AGTPBP1: variants seen among roughly 807,000 people sequenced by gnomAD.
AGTPBP1 encodes cytosolic carboxypeptidase 1.
Under a neutral mutation model 143.9 loss-of-function variants are expected in AGTPBP1, and 70 were observed. The observed-to-expected ratio is 0.49, with a 90% CI of 0.40 to 0.59. The LOEUF (loss-of-function observed/expected upper bound fraction) is 0.59. Ranked by LOEUF, AGTPBP1 falls within the 20% of genes least tolerant of loss-of-function variation. The pLI is 0.00. For synonymous variants in AGTPBP1, 463 were observed against 500.2 expected (o/e 0.93, Z 0.99); for missense variants, 1,229 against 1,464.5 (o/e 0.84, Z 2.62).
intron 8 of AGTPBP1, among the ~76,000 whole-genome samples, chr9:85,662,455 A>G (rs1833903909): frequency 1.3e-5 from 2 of 152,202 alleles, no homozygotes; most frequent in African/African-American, 2.4e-5. Flanking sequence ...CATACTTTTT[A>G]CACTTATGCA....
chr9:85,575,380 A>T lies in AGTPBP1; in HGVS notation c.3438T>A (p.Tyr1146Ter). The change falls in exon 25 of 26, where the codon TAT (tyrosine) becomes TAA (stop). Residue 1146 changes from tyrosine to a stop codon, truncating the protein, a stop_gained. Coordinates refer to ENST00000357081, the MANE Select transcript of AGTPBP1 (RefSeq NM_001330701.2). LOFTEE classifies it high-confidence loss of function. ...RLKRLTSPLE[Y>*]NLPSSLLDFE... ...AGTCAAGCAGGCTGGAAGGCAGATT[A>T]TACTCCAATGGAGAGGTCAGTCTTT... 1 of 1,609,348 alleles carries T rather than the reference A, an allele frequency of 6.2e-7. No homozygotes were observed. Among genetic ancestry groups the T allele is most frequent in the Non-Finnish European group, 8.5e-7 (1 of 1,178,684 alleles).
the AGTPBP1 span, among the ~76,000 whole-genome samples, chr9:85,769,210 T>C: frequency 6.6e-6 from 1 of 152,072 alleles, no homozygotes; most frequent in Non-Finnish European, 1.5e-5. Context: ...AACTATGTGA[T>C]AGGTACTGTG....
chr9:85,603,215 A>G (rs550318983), intron 17 of AGTPBP1, among the ~76,000 whole-genome samples: 247 of 152,244 alleles, frequency 1.6e-3, no homozygotes, highest in African/African-American at 5.4e-3. Flanking sequence ...TCCTCCCCCA[A>G]TCCCAGGAAG....
At position 85,632,952 on chromosome 9, in the gene AGTPBP1, A is replaced by C; in HGVS notation, c.1725T>G (p.Ala575=). ...CCTCAAACAGAACATTTCCACAAGT[A>C]GCCATGTGTGGACATGCTTTAGCAC... is the stretch of plus-strand genomic sequence containing the variant. ...LTCAKACPHM[A]TCGNVLFEGR... The change falls in exon 14 of 26, where the codon GCT becomes GCG. Residue 575 remains alanine (A), a synonymous_variant. Transcript: ENST00000357081. 1.2e-6 allele frequency: 2 copies of C among 1,614,142 alleles called. No individual in the cohort carries two copies. The highest frequency in any genetic ancestry group is 2.2e-5 in the South Asian group (2 of 91,084).
intron 17 of AGTPBP1, among the ~76,000 whole-genome samples, chr9:85,610,189 TGA>T (rs777236269): frequency 1.3e-5 from 2 of 152,070 alleles, no homozygotes; most frequent in Non-Finnish European, 2.9e-5. Context: ...CTCAGAAATC[TGA>T]GAGAAACAAA....
chr9:85,648,454 G>T (rs185664700), intron 11 of AGTPBP1, among the ~76,000 whole-genome samples: 3 of 152,246 alleles, frequency 2.0e-5, no homozygotes, highest in Admixed American at 2.0e-4. Context: ...AGTTGGTCAT[G>T]GATAAACAAG....
chr9:85,658,742 A>G (rs1447592911), intron 9 of AGTPBP1, among the ~76,000 whole-genome samples: 1 of 152,098 alleles, frequency 6.6e-6, no homozygotes, highest in Non-Finnish European at 1.5e-5. Flanking sequence ...AAACTTATTA[A>G]TTCCCTTTCA....
chr9:85,622,976 T>C (rs907770405), intron 14 of AGTPBP1, among the ~76,000 whole-genome samples: 5 of 152,308 alleles, frequency 3.3e-5, no homozygotes, highest in African/African-American at 1.2e-4. Context: ...AAAGGTTTGG[T>C]TTTTGTTTTT....
At chr9:85,689,789 G>A (rs915884729) in intron 3 of AGTPBP1, among the ~76,000 whole-genome samples, 27 of 150,276 alleles carry the variant, frequency 1.8e-4, no homozygotes, top group African/African-American at 5.6e-4. Flanking sequence ...CCAGCTACTC[G>A]GGGGGCTGAG....
At chr9:85,603,249 ACTT>A (rs573331213) in intron 17 of AGTPBP1, among the ~76,000 whole-genome samples, 73 of 152,256 alleles carry the variant, frequency 4.8e-4, no homozygotes, top group African/African-American at 1.6e-3. Flanking sequence ...TCCAGGAGAG[ACTT>A]CTTCTTTCAG....
chr9:85,646,176 C>T (rs1832795380), intron 12 of AGTPBP1, 145 bp downstream of exon 12: 1 of 595,086 alleles, frequency 1.7e-6, no homozygotes, highest in Non-Finnish European at 3.0e-6. Context: ...TATCATCTAC[C>T]CCTTTAATTG....
intron 1 of AGTPBP1, among the ~76,000 whole-genome samples, chr9:85,718,457 T>A (rs1266565854): frequency 6.6e-6 from 1 of 152,260 alleles, no homozygotes; most frequent in East Asian, 1.9e-4. Flanking sequence ...GTTGACTGGA[T>A]AAATGTCTTC....
chr9:85,788,654 G>GTA, the AGTPBP1 span, among the ~76,000 whole-genome samples: 6 of 148,798 alleles, frequency 4.0e-5, no homozygotes, highest in South Asian at 2.1e-4. Flanking sequence ...ATAAACACTT[G>GTA]TATATATATA....
At chr9:85,551,886 A>G (rs942975236) in intron 25 of AGTPBP1, among the ~76,000 whole-genome samples, 7 of 152,176 alleles carry the variant, frequency 4.6e-5, no homozygotes, top group African/African-American at 1.7e-4. Flanking sequence ...TCTTACAATC[A>G]TAAGAAAAAA....
At chr9:85,678,041 A>C (rs1329110656) in intron 5 of AGTPBP1, among the ~76,000 whole-genome samples, 2 of 152,154 alleles carry the variant, frequency 1.3e-5, no homozygotes, top group African/African-American at 4.8e-5. Context: ...AATACCATCA[A>C]CACATTTTGT....
At chr9:85,580,528 A>T (rs1828193052) in intron 23 of AGTPBP1, among the ~76,000 whole-genome samples, 1 of 152,146 alleles carries the variant, frequency 6.6e-6, no homozygotes, top group South Asian at 2.1e-4. Flanking sequence ...ATTTTAAAAG[A>T]CACAGATCAT....
the AGTPBP1 span, among the ~76,000 whole-genome samples, chr9:85,772,012 G>C: frequency 1.4e-5 from 2 of 141,678 alleles, no homozygotes; most frequent in African/African-American, 5.5e-5. Flanking sequence ...CTGAGATGGA[G>C]TCTCACTCTG....
chr9:85,633,406 A>G (rs1382111745), intron 13 of AGTPBP1, 32 bp from the exon 14 acceptor site: 7 of 1,439,148 alleles, frequency 4.9e-6, no homozygotes, highest in Middle Eastern at 1.8e-4. Context: ...TAATCTTTTA[A>G]CTGTAAATAT....
the AGTPBP1 span, among the ~76,000 whole-genome samples, chr9:85,784,771 C>T: frequency 1.3e-5 from 2 of 152,026 alleles, no homozygotes; most frequent in Non-Finnish European, 1.5e-5. Flanking sequence ...AACTAGAACC[C>T]CTACCTGAAC....
Sources: gnomAD v4.1 joint callset for allele counts (sites outside exome capture counted in the v4.1 genomes callset) on GRCh38, gnomAD v4.1.1 for gene constraint, MANE v1.5 for transcripts, NCBI Gene and HGNC (gene_info 2026-07-23, HGNC 2026-07-21) for gene names.